SLC9B1: variants seen among roughly 807,000 people sequenced by gnomAD.
SLC9B1 encodes the protein sodium/hydrogen exchanger 9B1.
Under a neutral mutation model 51.7 loss-of-function variants are expected in SLC9B1, and 32 were observed. That is an observed-to-expected ratio of 0.62 (90% confidence interval 0.47 to 0.83). The LOEUF (loss-of-function observed/expected upper bound fraction) is 0.83, where lower values mean the gene tolerates loss of function less well. SLC9B1 is among the 40% of genes least tolerant of loss of function. The pLI, the probability that SLC9B1 is intolerant of heterozygous loss-of-function variation, is 0.00. For missense variants in SLC9B1, 406 were observed against 613.2 expected, an observed-to-expected ratio of 0.66 and a Z score of 3.57; for synonymous variants, 145 against 212.7, an observed-to-expected ratio of 0.68 and a Z score of 2.77.
chr4:102,956,352 A>G (rs1323109246), intron 3 of SLC9B1, among the ~76,000 whole-genome samples: 1 of 152,124 alleles, frequency 6.6e-6, no homozygotes, highest in Non-Finnish European at 1.5e-5. Flanking sequence ...GAAAGGAGAG[A>G]ATAATAGAAA....
chr4:103,015,957 A>G (rs1304232832), intron 1 of SLC9B1, among the ~76,000 whole-genome samples: 2 of 151,660 alleles, frequency 1.3e-5, no homozygotes, highest in African/African-American at 4.8e-5. Flanking sequence ...GTAAAACCCT[A>G]TCTCTACCAA....
chr4:102,906,733 T>G (rs1410521484), intron 9 of SLC9B1, 89 bp from the exon 10 acceptor site: 8 of 742,748 alleles, frequency 1.1e-5, no homozygotes, highest in Non-Finnish European at 1.5e-5. Context: ...TTTTTTTTCA[T>G]TTTTTAAGTA....
intron 3 of SLC9B1, among the ~76,000 whole-genome samples, chr4:102,978,958 A>G (rs1272619784): frequency 1.3e-5 from 2 of 152,196 alleles, no homozygotes; most frequent in Admixed American, 6.6e-5. Context: ...TTTACCGTAC[A>G]TGGTTATACT....
At chr4:103,017,334 C>A (rs60098242) in intron 1 of SLC9B1, among the ~76,000 whole-genome samples, 1 of 152,192 alleles carries the variant, frequency 6.6e-6, no homozygotes, top group Non-Finnish European at 1.5e-5. Flanking sequence ...GCAGAACAAA[C>A]CTTTTTACAA....
Position 103,018,160 on chromosome 4 carries a change from G to A in SLC9B1, c.-2+1439C>T, listed in dbSNP as rs1741495887. On this transcript the variant is annotated intron_variant, in intron 1 of 11. Transcript: ENST00000296422. Reference sequence around the variant, plus strand: ...CAACAGAAGTGTTTAAACAGGATGAGTACAAAAATAAGTACAAAATGAGAA... The same window carrying A: ...CAACAGAAGTGTTTAAACAGGATGAATACAAAAATAAGTACAAAATGAGAA... Among the ~76,000 whole-genome samples the A allele has an allele frequency of 9.2e-5, 14 of 152,268 alleles. No homozygotes were observed. The South Asian group carries it at 2.7e-3, about 29-fold the overall frequency.
Position 102,942,012 on chromosome 4 carries a change from G to A in SLC9B1, c.653+3181C>T, listed in dbSNP as rs144419194. On this transcript the variant is annotated intron_variant, in intron 6 of 11. Transcript: ENST00000296422. The stretch of plus-strand genomic sequence containing the variant: ...ATCAGTAGCACTGGTATACACCGAT[G>A]GTGACTGAGCTGAGAATTAAGTCAA... Among the ~76,000 whole-genome samples, 376 of 152,162 alleles carry A rather than the reference G, an allele frequency of 2.5e-3. 3 individuals are homozygous for A. The highest frequency in any genetic ancestry group is 0.019 in the Admixed American group (294 of 15,244).
rs1736494324 is a variant in SLC9B1, at chr4:102,932,215, G to A, written c.738C>T (p.Gly246=). 1 of 1,611,734 alleles carries A rather than the reference G, an allele frequency of 6.2e-7. No homozygotes were observed. Among genetic ancestry groups the A allele is most frequent in the African/African-American group, 1.3e-5 (1 of 74,858 alleles). ...TAGCAGCCATTAATAAGGTTGGAAT[G>A]CCTTCCTCAACACCATATCCATTTT... is the stretch of plus-strand genomic sequence containing the variant. ...LQENGYGVEE[G]IPTLLMAASS... The change falls in exon 7 of 12, where the codon GGC becomes GGT. Residue 246 remains glycine, a synonymous_variant. Coordinates refer to ENST00000296422, the MANE Select transcript of SLC9B1 (RefSeq NM_139173.4).
At chr4:102,906,721 T>A in intron 9 of SLC9B1, 77 bp from the exon 10 acceptor site, 2 of 655,652 alleles carry the variant, frequency 3.1e-6, no homozygotes, top group Non-Finnish European at 4.7e-6. Flanking sequence ...TTCCCCCCCC[T>A]TTTTTTTTTC....
intron 6 of SLC9B1, among the ~76,000 whole-genome samples, chr4:102,937,516 A>G (rs997898507): frequency 1.3e-5 from 2 of 150,222 alleles, no homozygotes; most frequent in Admixed American, 1.3e-4. Flanking sequence ...CACAAGGTCA[A>G]GAGATCAAGA....
intron 7 of SLC9B1, among the ~76,000 whole-genome samples, chr4:102,918,106 A>C (rs1735678165): frequency 1.3e-5 from 2 of 150,444 alleles, no homozygotes; most frequent in Admixed American, 6.6e-5. Context: ...GAAAAAAAAA[A>C]CCCAATGAAA....
intron 6 of SLC9B1, 67 bp from the exon 7 acceptor site, chr4:102,932,366 G>C: frequency 7.5e-7 from 1 of 1,332,250 alleles, no homozygotes; most frequent in Non-Finnish European, 1.0e-6. Context: ...ATAAGTACAA[G>C]TAGTTTATAA....
At chr4:102,930,135 T>C (rs1352322871) in intron 7 of SLC9B1, among the ~76,000 whole-genome samples, 3 of 152,210 alleles carry the variant, frequency 2.0e-5, no homozygotes, top group Non-Finnish European at 4.4e-5. Context: ...TAAACATGGA[T>C]ATTTAACAGC....
intron 6 of SLC9B1, among the ~76,000 whole-genome samples, chr4:102,933,561 G>C (rs1053821806): frequency 6.6e-6 from 1 of 152,146 alleles, no homozygotes; most frequent in African/African-American, 2.4e-5. Context: ...AGGAATCTGG[G>C]CATGGCTTAG....
chr4:103,000,952 G>A (rs13133907), intron 1 of SLC9B1, among the ~76,000 whole-genome samples: 8,375 of 152,312 alleles, frequency 0.055, 331 homozygotes, highest in Middle Eastern at 0.1. Flanking sequence ...CTAGCTAGAG[G>A]TTCTTCTTGA....
chr4:102,889,061 T>G (rs954337063), intron 11 of SLC9B1: 6 of 152,270 alleles, frequency 3.9e-5, no homozygotes, highest in African/African-American at 1.4e-4. Context: ...GGTACTTGGG[T>G]TTTTAATTTA....
chr4:102,968,657 G>T (rs7678030), intron 3 of SLC9B1, among the ~76,000 whole-genome samples: 83,048 of 152,042 alleles, frequency 0.55, 23,251 homozygotes, highest in African/African-American at 0.68. Flanking sequence ...TGAGGTACCT[G>T]GTTCATCTCA....
chr4:103,000,045 C>G (rs1740438683), intron 1 of SLC9B1, among the ~76,000 whole-genome samples: 1 of 152,162 alleles, frequency 6.6e-6, no homozygotes, highest in Non-Finnish European at 1.5e-5. Flanking sequence ...ACCATCAGAT[C>G]TCATGAGAAC....
rs557375605 is a variant in SLC9B1, at chr4:102,940,130, G to T, written c.653+5063C>A. ...CATAGTAGCCTCTCAAGAGCTCCCAGATCTGACAAATGACTTCAGCAAAGT... is the reference window on the plus strand; with the variant it reads ...CATAGTAGCCTCTCAAGAGCTCCCATATCTGACAAATGACTTCAGCAAAGT... On this transcript the variant is annotated intron_variant, in intron 6 of 11. Transcript: ENST00000296422. 4.6e-5 allele frequency among the ~76,000 whole-genome samples: 7 copies of T among 152,250 alleles called. No homozygotes were observed. In the South Asian group the frequency reaches 1.5e-3, roughly 32 times the overall value.
At chr4:103,018,198 C>T (rs566464839) in intron 1 of SLC9B1, among the ~76,000 whole-genome samples, 10 of 152,238 alleles carry the variant, frequency 6.6e-5, no homozygotes, top group East Asian at 5.8e-4. Flanking sequence ...ACTATAAAAA[C>T]GATACTTTAT....
Sources: gnomAD v4.1 joint callset for allele counts (sites outside exome capture counted in the v4.1 genomes callset) on GRCh38, gnomAD v4.1.1 for gene constraint, MANE v1.5 for transcripts, NCBI Gene and HGNC (gene_info 2026-07-23, HGNC 2026-07-21) for gene names.